The following RAB38 variants were observed in gnomAD, a reference collection of about 807,000 sequenced individuals.
The protein encoded by RAB38 is RAB38, member RAS oncogene family.
A neutral mutation model predicts 18.4 loss-of-function variants in RAB38; 15 were observed. The ratio of observed to expected loss-of-function variants is 0.82; its 90% CI spans 0.55 to 1.26. The LOEUF (loss-of-function observed/expected upper bound fraction) is 1.26, where lower values mean the gene tolerates loss of function less well. Among genes scored for constraint, RAB38 ranks in the 50% most tolerant of loss-of-function variants. The pLI is 0.00. For synonymous variants in RAB38, 101 were observed against 104.4 expected, an observed-to-expected ratio of 0.97 and a Z score of 0.20; for missense variants, 294 against 267.4, an observed-to-expected ratio of 1.10 and a Z score of -0.69.
chr11:87,886,873 C>A, the RAB38 span, among the ~76,000 whole-genome samples: 2 of 146,194 alleles, frequency 1.4e-5, no homozygotes, highest in African/African-American at 5.0e-5. Context: ...TCTTCTGATA[C>A]ATCACTATCT....
chr11:87,858,758 G>T, the RAB38 span, among the ~76,000 whole-genome samples: 1 of 151,856 alleles, frequency 6.6e-6, no homozygotes, highest in Admixed American at 6.6e-5. Context: ...AGGAAGAAGG[G>T]ATGTTGTTAT....
chr11:88,032,469 G>A, the RAB38 span, among the ~76,000 whole-genome samples: 8 of 152,098 alleles, frequency 5.3e-5, no homozygotes, highest in African/African-American at 7.2e-5. Flanking sequence ...GAAAATTTTT[G>A]CAACCTACTC....
At chr11:87,803,877 C>T in the RAB38 span, among the ~76,000 whole-genome samples, 2,715 of 152,312 alleles carry the variant, frequency 0.018, 43 homozygotes, top group African/African-American at 0.038. Flanking sequence ...TTCCGTTAGG[C>T]CCCAAGGCCT....
intron 1 of RAB38, among the ~76,000 whole-genome samples, chr11:88,150,333 G>A (rs1457527676): frequency 6.6e-6 from 1 of 152,164 alleles, no homozygotes; most frequent in Non-Finnish European, 1.5e-5. Flanking sequence ...GTAACTGCAT[G>A]TCGCTAGTGC....
At chr11:88,127,971 G>C (rs926567087) in intron 2 of RAB38, among the ~76,000 whole-genome samples, 7 of 152,182 alleles carry the variant, frequency 4.6e-5, no homozygotes, top group Non-Finnish European at 1.0e-4. Flanking sequence ...GAGCCTGTTG[G>C]CATGTAGTGC....
the RAB38 span, among the ~76,000 whole-genome samples, chr11:88,082,432 G>A: frequency 5.8e-4 from 88 of 151,964 alleles, 1 homozygote; most frequent in Non-Finnish European, 1.2e-4. Context: ...TGTGGCAGAG[G>A]CATTGGGAAG....
the RAB38 span, among the ~76,000 whole-genome samples, chr11:87,958,652 A>G: frequency 2.6e-5 from 4 of 152,198 alleles, no homozygotes; most frequent in Admixed American, 2.6e-4. Context: ...TGGAGATTTC[A>G]GGAATCATTG....
chr11:87,847,802 G>A, the RAB38 span, among the ~76,000 whole-genome samples: 6 of 152,132 alleles, frequency 3.9e-5, no homozygotes, highest in South Asian at 2.1e-4. Flanking sequence ...ACAGAAAGAC[G>A]GGACATGTCC....
chr11:88,034,453 GTT>G, the RAB38 span, among the ~76,000 whole-genome samples: 2 of 152,198 alleles, frequency 1.3e-5, no homozygotes, highest in African/African-American at 4.8e-5. Context: ...GGCTGTAACA[GTT>G]TACATTCCCA....
chr11:88,046,157 C>T, the RAB38 span, among the ~76,000 whole-genome samples: 1 of 152,098 alleles, frequency 6.6e-6, no homozygotes, highest in East Asian at 1.9e-4. Context: ...ATCACCTTTA[C>T]CCCACTCAAG....
chr11:88,045,957 TTAAC>T, the RAB38 span, among the ~76,000 whole-genome samples: 2 of 152,114 alleles, frequency 1.3e-5, no homozygotes, highest in Non-Finnish European at 1.5e-5. Flanking sequence ...CCGAGACACT[TTAAC>T]TAAATTATCT....
At chr11:87,868,090 A>T in the RAB38 span, among the ~76,000 whole-genome samples, 1 of 151,818 alleles carries the variant, frequency 6.6e-6, no homozygotes. Flanking sequence ...TATAGCTTGG[A>T]TATGAGTGTC....
At chr11:88,142,099 G>C (rs938936680) in intron 2 of RAB38, among the ~76,000 whole-genome samples, 1 of 152,144 alleles carries the variant, frequency 6.6e-6, no homozygotes, top group Non-Finnish European at 1.5e-5. Context: ...AGAAAAACAG[G>C]CCTGTCCTCA....
chr11:87,961,304 C>A, the RAB38 span, among the ~76,000 whole-genome samples: 1 of 152,198 alleles, frequency 6.6e-6, no homozygotes, highest in South Asian at 2.1e-4. Context: ...CATCATGACC[C>A]CAATGAATGC....
chr11:87,948,623 G>C, the RAB38 span, among the ~76,000 whole-genome samples: 13 of 151,966 alleles, frequency 8.6e-5, no homozygotes, highest in South Asian at 2.7e-3. Context: ...TGAATTTTGT[G>C]AAAGGACTTT....
the RAB38 span, among the ~76,000 whole-genome samples, chr11:87,936,243 T>C: frequency 1.5e-4 from 23 of 152,130 alleles, no homozygotes; most frequent in Non-Finnish European, 1.6e-4. Flanking sequence ...TTTTTTCTTA[T>C]GTTTTTATTC....
the RAB38 span, among the ~76,000 whole-genome samples, chr11:88,036,287 T>C: frequency 6.6e-6 from 1 of 152,196 alleles, no homozygotes; most frequent in African/African-American, 2.4e-5. Context: ...AGGATTCCAG[T>C]TATTTGTAGT....
chr11:87,811,919 T>C, the RAB38 span, among the ~76,000 whole-genome samples: 1 of 152,220 alleles, frequency 6.6e-6, no homozygotes, highest in African/African-American at 2.4e-5. Flanking sequence ...ATAGTAGCTT[T>C]TTCAGGTAGT....
At chr11:87,849,386 G>T in the RAB38 span, among the ~76,000 whole-genome samples, 1 of 152,014 alleles carries the variant, frequency 6.6e-6, no homozygotes, top group African/African-American at 2.4e-5. Context: ...TATAGAATTG[G>T]CAGCTGAGAT....
Sources: gnomAD v4.1 joint callset for allele counts (sites outside exome capture counted in the v4.1 genomes callset) on GRCh38, gnomAD v4.1.1 for gene constraint, MANE v1.5 for transcripts, NCBI Gene and HGNC (gene_info 2026-07-23, HGNC 2026-07-21) for gene names.